The following NUP210 variants were observed in gnomAD, a reference collection of about 807,000 sequenced individuals.
NUP210 encodes the protein nuclear pore membrane glycoprotein 210.
In NUP210, 151 loss-of-function variants were observed where a neutral mutation model predicts 196.0. The observed-to-expected ratio is 0.77, with a 90% CI of 0.67 to 0.88. NUP210 has a LOEUF of 0.88. NUP210 is among the 40% of genes least tolerant of loss of function. NUP210 has a pLI of 0.00. For synonymous variants in NUP210, 1,070 were observed against 1,052.7 expected (o/e 1.02, Z -0.32); for missense variants, 2,314 against 2,493.7 (o/e 0.93, Z 1.53).
chr3:13,370,243 A>G (rs1559332530), intron 13 of NUP210, among the ~76,000 whole-genome samples: 1 of 152,168 alleles, frequency 6.6e-6, no homozygotes, highest in Non-Finnish European at 1.5e-5. Flanking sequence ...GGTACAAGGC[A>G]CTTCCTAAGA....
chr3:13,327,241 C>G lies in NUP210; in HGVS notation c.4483G>C (p.Ala1495Pro). The G allele has an allele frequency of 6.2e-7, 1 of 1,613,252 alleles. No homozygotes were observed. Among genetic ancestry groups the G allele is most frequent in the Non-Finnish European group, 8.5e-7 (1 of 1,179,970 alleles). ...CCTTCCAGGCTGGTCAGAACAGTGG[C>G]CAGACAGAGCACGTCCCCCACCACC... ...AMVVGDVLCL[A>P]TVLTSLEGLS... The change falls in exon 32 of 40, where the codon GCC (alanine) becomes CCC (proline). Residue 1495 changes from alanine to proline, a missense_variant. Ala to Pro is a conservative substitution (Grantham distance 27). Coordinates refer to ENST00000254508, the MANE Select transcript of NUP210 (RefSeq NM_024923.4).
intron 1 of NUP210, among the ~76,000 whole-genome samples, chr3:13,411,395 G>A (rs1020708496): frequency 5.3e-5 from 8 of 152,256 alleles, no homozygotes; most frequent in Non-Finnish European, 7.3e-5. Flanking sequence ...AACCAGCTGT[G>A]AGGCTCTTGG....
chr3:13,321,042 A>G (rs1024143212), intron 36 of NUP210, among the ~76,000 whole-genome samples: 4 of 152,264 alleles, frequency 2.6e-5, no homozygotes, highest in Non-Finnish European at 5.9e-5. Context: ...AGAACATGCG[A>G]TCACGCTGGC....
intron 21 of NUP210, 125 bp from the exon 22 acceptor site, chr3:13,342,248 T>C: frequency 8.2e-7 from 1 of 1,216,120 alleles, no homozygotes; most frequent in Non-Finnish European, 1.1e-6. Context: ...ATCAGGAGAG[T>C]CACCCAGGTT....
At chr3:13,392,289 C>T (rs1046704724) in intron 3 of NUP210, among the ~76,000 whole-genome samples, 1 of 152,228 alleles carries the variant, frequency 6.6e-6, no homozygotes, top group Non-Finnish European at 1.5e-5. Context: ...CCAGAAAACT[C>T]TGCTCCTTCG....
At chr3:13,393,513 G>T (rs1381221479) in intron 3 of NUP210, among the ~76,000 whole-genome samples, 1 of 152,244 alleles carries the variant, frequency 6.6e-6, no homozygotes, top group Non-Finnish European at 1.5e-5. Context: ...TGCAGGATTT[G>T]CAGGGCTCCG....
At chr3:13,387,825 G>C (rs1205531227) in intron 5 of NUP210, among the ~76,000 whole-genome samples, 1 of 140,974 alleles carries the variant, frequency 7.1e-6, no homozygotes, top group Non-Finnish European at 1.6e-5. Context: ...GAAGACATGG[G>C]ATCGGCTGGG....
rs552862981 is a variant in NUP210, at chr3:13,375,632, C to A, written c.1303G>T (p.Val435Phe). The A allele has an allele frequency of 4.3e-6, 7 of 1,613,650 alleles. No individual in the cohort carries two copies. Among genetic ancestry groups the A allele is most frequent in the Non-Finnish European group, 5.9e-6 (7 of 1,179,874 alleles). ...CACACAGGCACCTGTAGTATGTGGA[C>A]CCCTCCATCCTACAAGGGGTGAGGG... The part of the protein sequence containing the change: ...LTSVVDQDGG[V>F]HILQVPVWNQ... The change falls in exon 11 of 40, where the codon GTC (valine) becomes TTC (phenylalanine). Residue 435 changes from valine (V) to phenylalanine (F), a missense_variant. Physicochemically the swap from Val to Phe is conservative, Grantham distance 50. Transcript: ENST00000254508.
intron 1 of NUP210, among the ~76,000 whole-genome samples, chr3:13,414,075 G>T (rs1166067824): frequency 6.6e-6 from 1 of 152,234 alleles, no homozygotes; most frequent in African/African-American, 2.4e-5. Flanking sequence ...CACAACACAG[G>T]AACAGGAGGC....
Position 13,322,577 on chromosome 3 carries a change from A to G in NUP210, c.4769-238T>C, listed in dbSNP as rs539748186. On this transcript the variant is annotated intron_variant, in intron 34 of 39. Transcript: ENST00000254508. ...GGGAGCTTCAAGTCAGAATTTCAGCATTTGTTCCAGACCTTGCATCCAGGG... is the reference window on the plus strand; with the variant it reads ...GGGAGCTTCAAGTCAGAATTTCAGCGTTTGTTCCAGACCTTGCATCCAGGG... Among the ~76,000 whole-genome samples, 53 of 152,364 alleles carry G rather than the reference A, an allele frequency of 3.5e-4. 1 individual carries two copies. The South Asian group carries it at 4.6e-3, about 13-fold the overall frequency.
In NUP210 at chr3:13,330,483, G is replaced by A; in HGVS notation, c.4087C>T (p.Gln1363Ter). 6.2e-7 allele frequency: 1 copy of A among 1,614,150 alleles called. No homozygotes were observed. The highest frequency in any genetic ancestry group is 8.5e-7 in the Non-Finnish European group (1 of 1,180,000). The change falls in exon 30 of 40, where the codon CAA becomes TAA. Residue 1363 changes from glutamine (Q) to a stop codon, truncating the protein, a stop_gained. Transcript: ENST00000254508. LOFTEE classifies it high-confidence loss of function. ...VIAQEPFGANQTIIVAVKVSP... is the reference protein window; with the variant it reads ...VIAQEPFGAN ...ACCTTTACAGCAACAATGATGGTTT[G>A]GTTGGCCCCAAAGGGCTCTTGTGCA... is the stretch of plus-strand genomic sequence containing the variant.
chr3:13,419,340 C>T (rs999486666), intron 1 of NUP210, among the ~76,000 whole-genome samples: 11 of 152,226 alleles, frequency 7.2e-5, no homozygotes, highest in Non-Finnish European at 1.3e-4. Flanking sequence ...CTGGACTGCA[C>T]CGCCCTGTCA....
Position 13,379,824 on chromosome 3 carries a change from C to A in NUP210, c.818-103G>T, listed in dbSNP as rs935588466. On this transcript the variant is annotated intron_variant, in intron 6 of 39. Coordinates refer to ENST00000254508, the MANE Select transcript of NUP210 (RefSeq NM_024923.4). The surrounding 1 kb of genome is among the most constrained non-coding windows in gnomAD (Gnocchi z 4.2). ...TGCCACCCCGAATCTCTGCACTCTG[C>A]TCTCAGTACAGCTGACGCATTTTCT... 1 of 900,808 alleles carries A rather than the reference C, an allele frequency of 1.1e-6. No individual in the cohort carries two copies. Among genetic ancestry groups the A allele is most frequent in the Non-Finnish European group, 1.6e-6 (1 of 606,160 alleles). The allele number at this position is 900,808 out of a possible 1,614,324, so 55.8% of individuals were successfully genotyped here.
chr3:13,397,633 GC>G, intron 2 of NUP210, 145 bp from the exon 3 acceptor site: 2 of 776,922 alleles, frequency 2.6e-6, no homozygotes, highest in South Asian at 2.5e-5. Flanking sequence ...CTCACACATG[GC>G]CCCACTGACA....
intron 21 of NUP210, 134 bp from the exon 22 acceptor site, chr3:13,342,257 T>G: frequency 8.9e-7 from 1 of 1,122,630 alleles, no homozygotes; most frequent in Non-Finnish European, 1.3e-6. Context: ...GTCACCCAGG[T>G]TGACTTCTGG....
Position 13,420,124 on chromosome 3 carries a change from G to A in NUP210, c.103C>T (p.Leu35=), listed in dbSNP as rs1363948502. ...AAKLNIPKVL[L]PFTRATRVNF... ...ACGCGCGTGGCCCGCGTGAAGGGCA[G>A]CAGCACTTTGGGGATGTTGAGCTTG... Residue 35 remains leucine, a synonymous_variant, in exon 1 of 40, where the codon CTG becomes TTG. Transcript: ENST00000254508. This position sits in a 1 kb window ranked among gnomAD's most constrained non-coding sequence, Gnocchi z 4.8. 2 of 1,372,696 alleles carry A rather than the reference G, an allele frequency of 1.5e-6. No homozygotes were observed. Among genetic ancestry groups the A allele is most frequent in the South Asian group, 1.5e-5 (1 of 66,852 alleles). The allele number at this position is 1,372,696 out of a possible 1,614,324, so 85.0% of individuals were successfully genotyped here. A position where few individuals can be genotyped will look rare whatever the true frequency, so the allele number is the denominator to read the frequency against.
intron 1 of NUP210, among the ~76,000 whole-genome samples, chr3:13,403,071 C>T (rs1699892440): frequency 6.6e-6 from 1 of 152,184 alleles, no homozygotes; most frequent in Non-Finnish European, 1.5e-5. Context: ...TTTTTAAATC[C>T]CTATTAAAAA....
At position 13,360,339 on chromosome 3, in the gene NUP210, A is replaced by G; in HGVS notation, c.2085T>C (p.Phe695=). Residue 695 remains phenylalanine (F), a synonymous_variant, in exon 15 of 40, where the codon TTT becomes TTC. Coordinates refer to ENST00000254508, the MANE Select transcript of NUP210 (RefSeq NM_024923.4). The stretch of plus-strand genomic sequence containing the variant: ...GATAATTCCGGGAGGAATGGGGGGC[A>G]AAGAGAGCCAGGCCGATGCTGTCAG... ...EDTDSIGLAL[F]APHSSRNYQQ... is the part of the protein sequence containing the mutation. 1 of 1,614,218 alleles carries G rather than the reference A, an allele frequency of 6.2e-7. No homozygotes were observed. The highest frequency in any genetic ancestry group is 8.5e-7 in the Non-Finnish European group (1 of 1,180,030).
At chr3:13,386,880 C>T (rs1300340706) in intron 5 of NUP210, among the ~76,000 whole-genome samples, 2 of 152,186 alleles carry the variant, frequency 1.3e-5, no homozygotes, top group Admixed American at 6.5e-5. Flanking sequence ...CTTTCACCCC[C>T]GACCTGTGAC....
Sources: gnomAD v4.1 joint callset for allele counts (sites outside exome capture counted in the v4.1 genomes callset) on GRCh38, gnomAD v4.1.1 for gene constraint, Gnocchi (gnomAD v3.1) non-coding constraint, MANE v1.5 for transcripts, NCBI Gene and HGNC (gene_info 2026-07-23, HGNC 2026-07-21) for gene names.